CFAP221: variants seen among roughly 807,000 people sequenced by gnomAD.
The protein encoded by CFAP221 is cilia- and flagella-associated protein 221.
Under a neutral mutation model 113.1 loss-of-function variants are expected in CFAP221, and 97 were observed. That is an observed-to-expected ratio of 0.86 (90% CI 0.73 to 1.02). The LOEUF is 1.02. CFAP221 is among the 50% of genes least tolerant of loss of function. The pLI is 0.00. For synonymous variants in CFAP221, 331 were observed against 354.4 expected, an observed-to-expected ratio of 0.93 and a Z score of 0.74; for missense variants, 1,025 against 1,013.4, an observed-to-expected ratio of 1.01 and a Z score of -0.16.
chr2:119,638,239 T>C lies in CFAP221; in HGVS notation c.1975-20T>C, dbSNP rs759885942. 8 of 1,613,376 alleles carry C rather than the reference T, an allele frequency of 5.0e-6. 1 individual carries two copies. Among genetic ancestry groups the C allele is most frequent in the Non-Finnish European group, 5.9e-6 (7 of 1,179,374 alleles). The stretch of plus-strand genomic sequence containing the variant: ...GAAACTGGTAAACAGAAAAGAATAT[T>C]TTTTCCCTGTCTTCGGCAGAATCCC... On this transcript the variant is annotated intron_variant, in intron 19 of 23. Transcript: ENST00000413369.
intron 6 of CFAP221, among the ~76,000 whole-genome samples, chr2:119,579,683 G>A (rs1323947895): frequency 2.6e-5 from 4 of 152,158 alleles, no homozygotes; most frequent in African/African-American, 4.8e-5. Flanking sequence ...TAATGCATCA[G>A]GAACTTGGCT....
chr2:119,640,216 A>AAC (rs901660664), intron 21 of CFAP221, among the ~76,000 whole-genome samples: 3 of 149,606 alleles, frequency 2.0e-5, no homozygotes, highest in African/African-American at 7.4e-5. Context: ...TCTCAAAACA[A>AAC]AAAAAAAAAA....
At chr2:119,626,208 C>G (rs1686299110) in intron 15 of CFAP221, among the ~76,000 whole-genome samples, 1 of 152,128 alleles carries the variant, frequency 6.6e-6, no homozygotes, top group African/African-American at 2.4e-5. Context: ...TATGCAGACT[C>G]TGATTATATA....
At chr2:119,641,890 G>A (rs1457455236) in intron 21 of CFAP221, among the ~76,000 whole-genome samples, 1 of 152,172 alleles carries the variant, frequency 6.6e-6, no homozygotes, top group East Asian at 1.9e-4. Flanking sequence ...AATGAGGAAT[G>A]GTGAGAAGTG....
chr2:119,631,990 A>G (rs1235533360), intron 19 of CFAP221, among the ~76,000 whole-genome samples: 1 of 152,250 alleles, frequency 6.6e-6, no homozygotes, highest in Admixed American at 6.5e-5. Context: ...ATAGCTTTAT[A>G]TCTGTTAAAG....
intron 7 of CFAP221, among the ~76,000 whole-genome samples, chr2:119,594,426 A>G (rs1683818143): frequency 6.6e-6 from 1 of 151,876 alleles, no homozygotes; most frequent in Non-Finnish European, 1.5e-5. Context: ...TTGTATATTT[A>G]GTAGAGATGG....
intron 11 of CFAP221, among the ~76,000 whole-genome samples, chr2:119,606,144 C>CAGG (rs1184481522): frequency 6.6e-6 from 1 of 151,992 alleles, no homozygotes; most frequent in Non-Finnish European, 1.5e-5. Context: ...GCTGGGAGCA[C>CAGG]AGGTGCGTGC....
At chr2:119,651,458 C>T (rs1435664472) in intron 22 of CFAP221, among the ~76,000 whole-genome samples, 4 of 151,012 alleles carry the variant, frequency 2.6e-5, no homozygotes, top group African/African-American at 9.8e-5. Flanking sequence ...TTTACTGACC[C>T]CTGGCTCTAA....
chr2:119,591,237 C>T (rs1429805062), intron 7 of CFAP221, among the ~76,000 whole-genome samples: 1 of 152,106 alleles, frequency 6.6e-6, no homozygotes, highest in African/African-American at 2.4e-5. Context: ...TTCCAAAGCA[C>T]CAAACCCAAT....
intron 16 of CFAP221, among the ~76,000 whole-genome samples, chr2:119,629,666 T>C (rs906551081): frequency 6.6e-6 from 1 of 152,066 alleles, no homozygotes; most frequent in African/African-American, 2.4e-5. Flanking sequence ...CCACAGAAAA[T>C]AAGAGACTCA....
At chr2:119,577,090 C>T (rs1016083149) in intron 6 of CFAP221, among the ~76,000 whole-genome samples, 2 of 152,228 alleles carry the variant, frequency 1.3e-5, no homozygotes, top group African/African-American at 4.8e-5. Context: ...AAAGAACAGA[C>T]ATTTCTCACA....
intron 19 of CFAP221, among the ~76,000 whole-genome samples, chr2:119,637,719 C>T (rs899281064): frequency 6.6e-6 from 1 of 152,276 alleles, no homozygotes; most frequent in East Asian, 1.9e-4. Context: ...AACAGGATCT[C>T]CCTTAAAACC....
chr2:119,648,212 G>A (rs889775753), intron 22 of CFAP221, among the ~76,000 whole-genome samples: 1 of 152,170 alleles, frequency 6.6e-6, no homozygotes, highest in Non-Finnish European at 1.5e-5. Context: ...CTGACACTTG[G>A]TAGGCAAGCA....
chr2:119,553,754 T>TA (rs1351147068), intron 3 of CFAP221, among the ~76,000 whole-genome samples: 1 of 152,204 alleles, frequency 6.6e-6, no homozygotes, highest in Non-Finnish European at 1.5e-5. Flanking sequence ...TTGAAAAAGA[T>TA]ATGAAGCCTC....
chr2:119,594,652 G>T (rs1002259970), intron 7 of CFAP221, among the ~76,000 whole-genome samples: 1 of 152,118 alleles, frequency 6.6e-6, no homozygotes, highest in African/African-American at 2.4e-5. Context: ...GTTCTATTCA[G>T]CACTCTACTC....
intron 22 of CFAP221, chr2:119,648,485 G>T: frequency 3.2e-6 from 1 of 307,942 alleles, no homozygotes; most frequent in Non-Finnish European, 7.5e-6. Flanking sequence ...ACAGAGTCGG[G>T]GTATAGCACA....
intron 6 of CFAP221, 64 bp from the exon 7 acceptor site, chr2:119,587,055 C>A: frequency 8.1e-7 from 1 of 1,239,392 alleles, no homozygotes; most frequent in Non-Finnish European, 1.1e-6. Context: ...CCATTCCTTG[C>A]TACCAAAAGA....
At chr2:119,650,393 G>A (rs1378588242) in intron 22 of CFAP221, among the ~76,000 whole-genome samples, 1 of 152,194 alleles carries the variant, frequency 6.6e-6, no homozygotes, top group Non-Finnish European at 1.5e-5. Flanking sequence ...AGCCAGGGTG[G>A]GATGATTCAT....
At position 119,604,799 on chromosome 2, in the gene CFAP221, TG is replaced by T. The variant is rs1684616742; in HGVS notation, c.912+10del. On this transcript the variant is annotated splice_region_variant and intron_variant, in intron 9 of 23. Coordinates refer to ENST00000413369, the MANE Select transcript of CFAP221 (RefSeq NM_001271049.2). ...GAAGCCTCAGAAGGTGAAGGTACGG[TG>T]GGCCTTGTCCTTGGTGCGATGAAAG... 6.3e-7 allele frequency: 1 copy of T among 1,575,058 alleles called. No homozygotes were observed. The highest frequency in any genetic ancestry group is 1.9e-5 in the Admixed American group (1 of 52,832).
Sources: allele counts gnomAD v4.1 joint callset (sites outside exome capture counted in the v4.1 genomes callset), GRCh38; gene constraint gnomAD v4.1.1; transcripts MANE v1.5; gene names NCBI Gene and HGNC (gene_info 2026-07-23, HGNC 2026-07-21).